The following NAV2 variants were observed in gnomAD, a reference collection of about 807,000 sequenced individuals.
NAV2 encodes neuron navigator 2.
Under a neutral mutation model 223.2 loss-of-function variants are expected in NAV2, and 54 were observed. That is an observed-to-expected ratio of 0.24 (90% CI 0.19 to 0.30). The LOEUF is 0.30. NAV2 is among the 10% of genes least tolerant of loss of function. NAV2 has a pLI of 1.00. For synonymous variants in NAV2, 1,279 were observed against 1,239.3 expected (o/e 1.03, Z -0.67); for missense variants, 2,806 against 3,147.5 (o/e 0.89, Z 2.60).
At chr11:19,675,130 TA>T (rs889057321) in intron 1 of NAV2, among the ~76,000 whole-genome samples, 1 of 152,112 alleles carries the variant, frequency 6.6e-6, no homozygotes, top group Non-Finnish European at 1.5e-5. Flanking sequence ...CTTAGCATGG[TA>T]AAAAAGGCCC....
intron 1 of NAV2, among the ~76,000 whole-genome samples, chr11:19,654,871 A>C (rs182571557): frequency 6.6e-6 from 1 of 152,382 alleles, no homozygotes; most frequent in Admixed American, 6.5e-5. Flanking sequence ...CAATGACAAC[A>C]GAAGCCAAAA....
intron 9 of NAV2, among the ~76,000 whole-genome samples, chr11:19,947,959 C>G (rs941539660): frequency 2.6e-5 from 4 of 152,032 alleles, no homozygotes; most frequent in African/African-American, 9.7e-5. Flanking sequence ...GAATCCCACC[C>G]TTAGGAAAAG....
chr11:19,683,310 C>T (rs2048928369), intron 1 of NAV2, among the ~76,000 whole-genome samples: 1 of 152,134 alleles, frequency 6.6e-6, no homozygotes, highest in Admixed American at 6.6e-5. Context: ...CGGGGTGTAA[C>T]AGAAAGCCTC....
At chr11:19,577,720 G>T (rs1425405347) in intron 1 of NAV2, among the ~76,000 whole-genome samples, 2 of 152,136 alleles carry the variant, frequency 1.3e-5, no homozygotes, top group Non-Finnish European at 2.9e-5. Flanking sequence ...GGATGGGGGT[G>T]TGGGTTGGGT....
intron 6 of NAV2, among the ~76,000 whole-genome samples, chr11:19,900,972 T>G (rs911141335): frequency 6.6e-6 from 1 of 152,214 alleles, no homozygotes; most frequent in African/African-American, 2.4e-5. Flanking sequence ...TCTATAGCCC[T>G]AATGTTGGGA....
intron 7 of NAV2, 127 bp downstream of exon 7, chr11:19,934,404 C>A (rs1359056092): frequency 2.7e-6 from 3 of 1,124,432 alleles, no homozygotes; most frequent in Non-Finnish European, 3.6e-6. Flanking sequence ...AGCTAAGAAA[C>A]CACGTGATGA....
rs1005808767 is a variant in NAV2, at chr11:20,091,152, C to T, written c.5652+134C>T. On this transcript the variant is annotated intron_variant, in intron 27 of 37. Coordinates refer to ENST00000349880, the MANE Select transcript of NAV2 (RefSeq NM_145117.5). ...CGCTTTCCCAGCCTTTATCTCTTTT[C>T]AGTCCCTCCCACACATTGCTCAAAG... The T allele has an allele frequency of 8.8e-6, 7 of 796,314 alleles. No homozygotes were observed. In the African/African-American group the frequency reaches 1.2e-4, roughly 14 times the overall value. The allele number at this position is 796,314 out of a possible 1,614,324, so 49.3% of individuals were successfully genotyped here. A position where few individuals can be genotyped will look rare whatever the true frequency, so the allele number is the denominator to read the frequency against.
intron 1 of NAV2, among the ~76,000 whole-genome samples, chr11:19,522,832 C>T (rs1220553337): frequency 6.6e-6 from 1 of 152,218 alleles, no homozygotes; most frequent in Non-Finnish European, 1.5e-5. Context: ...TCCCCAATGT[C>T]AACAGAATCC....
chr11:19,947,277 C>G (rs1476704023), intron 9 of NAV2, among the ~76,000 whole-genome samples: 1 of 152,072 alleles, frequency 6.6e-6, no homozygotes, highest in Non-Finnish European at 1.5e-5. Context: ...CCAATAGGAC[C>G]GAGGCCCAAA....
Position 20,121,066 on chromosome 11 carries a change from C to G in NAV2, c.*2808C>G, listed in dbSNP as rs915460544. On this transcript the variant is annotated 3_prime_UTR_variant, in exon 38 of 38. Transcript: ENST00000349880. ...CATTAGGGGTGGGGTGGGAGTGGGA[C>G]AGGAACAAGACTTGCCTAGATCTTT... The G allele has an allele frequency of 2.6e-5, 4 of 152,336 alleles. No homozygotes were observed. Among genetic ancestry groups the G allele is most frequent in the Admixed American group, 1.3e-4 (2 of 15,284 alleles). The allele number at this position is 152,336 out of a possible 1,614,324, so 9.4% of individuals were successfully genotyped here.
chr11:19,353,313 T>G (rs568939598), intron 1 of NAV2, among the ~76,000 whole-genome samples: 3 of 152,322 alleles, frequency 2.0e-5, no homozygotes, highest in Non-Finnish European at 4.4e-5. Flanking sequence ...GAAAAGCCAC[T>G]TCTCATGCAC....
intron 11 of NAV2, among the ~76,000 whole-genome samples, chr11:19,995,894 A>G (rs868551022): frequency 6.6e-6 from 1 of 152,118 alleles, no homozygotes; most frequent in Non-Finnish European, 1.5e-5. Flanking sequence ...CTAAATCAGC[A>G]CTAATAGTGG....
rs1554965563 is a variant in NAV2, at chr11:20,100,920, G to C, written c.6182-17G>C. The C allele has an allele frequency of 6.2e-7, 1 of 1,608,996 alleles. No homozygotes were observed. The highest frequency in any genetic ancestry group is 1.1e-5 in the South Asian group (1 of 90,938). On this transcript the variant is annotated splice_polypyrimidine_tract_variant and intron_variant, in intron 31 of 37. Coordinates refer to ENST00000349880, the MANE Select transcript of NAV2 (RefSeq NM_145117.5). ...TTCTACAGGGCTTCAGATGATTCCT[G>C]TCTCTCTCAAATGCAGGGCTCGCAG...
chr11:20,023,129 C>G (rs1458353090), intron 11 of NAV2: 2 of 1,551,616 alleles, frequency 1.3e-6, no homozygotes, highest in African/African-American at 2.7e-5. Flanking sequence ...AGGAACCTTA[C>G]AAGGTAGGAC....
intron 1 of NAV2, among the ~76,000 whole-genome samples, chr11:19,791,514 A>G (rs1180979949): frequency 1.3e-5 from 2 of 152,210 alleles, no homozygotes; most frequent in Non-Finnish European, 2.9e-5. Flanking sequence ...TAATCTGCAC[A>G]TGAGAGAGAC....
At chr11:19,751,892 G>A (rs1261614611) in intron 1 of NAV2, among the ~76,000 whole-genome samples, 1 of 152,032 alleles carries the variant, frequency 6.6e-6, no homozygotes, top group African/African-American at 2.4e-5. Flanking sequence ...TCTTAGACTT[G>A]ACCCAGGTGG....
intron 1 of NAV2, among the ~76,000 whole-genome samples, chr11:19,668,349 A>G (rs1478588369): frequency 6.6e-6 from 1 of 152,046 alleles, no homozygotes; most frequent in African/African-American, 2.4e-5. Flanking sequence ...ACCAGCCAAC[A>G]TGGCGAAACC....
At chr11:20,106,784 A>G (rs1040951983) in intron 35 of NAV2, among the ~76,000 whole-genome samples, 1 of 151,228 alleles carries the variant, frequency 6.6e-6, no homozygotes, top group Admixed American at 6.6e-5. Context: ...CTGGGATTAC[A>G]GGTGCCCACC....
chr11:19,652,150 C>T (rs1300780952), intron 1 of NAV2, among the ~76,000 whole-genome samples: 2 of 152,170 alleles, frequency 1.3e-5, no homozygotes, highest in Non-Finnish European at 2.9e-5. Context: ...AAAAATGCCA[C>T]TTGTCCCCCT....
Sources: gnomAD v4.1 joint callset for allele counts (sites outside exome capture counted in the v4.1 genomes callset) on GRCh38, gnomAD v4.1.1 for gene constraint, MANE v1.5 for transcripts, NCBI Gene and HGNC (gene_info 2026-07-23, HGNC 2026-07-21) for gene names.